The following CDH13 variants were observed in gnomAD, a reference collection of about 807,000 sequenced individuals.
CDH13 encodes the protein cadherin-13.
A neutral mutation model predicts 63.8 loss-of-function variants in CDH13; 24 were observed. That is an observed-to-expected ratio of 0.38 (90% CI 0.27 to 0.53). The LOEUF (loss-of-function observed/expected upper bound fraction) is 0.53. Ranked by LOEUF, CDH13 falls within the 20% of genes least tolerant of loss-of-function variation. The pLI, the probability that CDH13 is intolerant of heterozygous loss-of-function variation, is 0.85. For synonymous variants in CDH13, 503 were observed against 355.3 expected, an observed-to-expected ratio of 1.42 and a Z score of -4.67; for missense variants, 1,049 against 903.1, an observed-to-expected ratio of 1.16 and a Z score of -2.07.
chr16:83,362,296 A>T (rs1567617587), intron 6 of CDH13, among the ~76,000 whole-genome samples: 1 of 152,172 alleles, frequency 6.6e-6, no homozygotes, highest in South Asian at 2.1e-4. Context: ...GTACATTTCT[A>T]TTATGGCAAT....
At chr16:82,858,762 A>T in intron 2 of CDH13, 1 of 485,186 alleles carries the variant, frequency 2.1e-6, no homozygotes, top group South Asian at 4.2e-5. Flanking sequence ...ACACTGTGCA[A>T]AGGAAATGAA....
chr16:82,927,096 G>T (rs567455108), intron 2 of CDH13, among the ~76,000 whole-genome samples: 2 of 152,142 alleles, frequency 1.3e-5, no homozygotes, highest in African/African-American at 4.8e-5. Flanking sequence ...CTGGCTGTTG[G>T]CCACAGTATC....
intron 1 of CDH13, among the ~76,000 whole-genome samples, chr16:82,810,336 C>T (rs2169452): frequency 0.16 from 24,947 of 151,986 alleles, 2,838 homozygotes; most frequent in East Asian, 0.62. Flanking sequence ...AAATGCCTGC[C>T]GAACAGAAGG....
intron 4 of CDH13, among the ~76,000 whole-genome samples, chr16:83,192,154 C>T (rs548463661): frequency 6.6e-6 from 1 of 152,228 alleles, no homozygotes; most frequent in Admixed American, 6.5e-5. Flanking sequence ...AGAGCCGTTC[C>T]TTTGCCTCCA....
At chr16:83,121,782 G>C (rs1368103882) in intron 3 of CDH13, among the ~76,000 whole-genome samples, 1 of 152,094 alleles carries the variant, frequency 6.6e-6, no homozygotes, top group Non-Finnish European at 1.5e-5. Context: ...CTGAGTGAAG[G>C]GATATGTGCA....
At chr16:83,727,116 C>G (rs114863439) in intron 10 of CDH13, among the ~76,000 whole-genome samples, 2,027 of 152,102 alleles carry the variant, frequency 0.013, 47 homozygotes, top group African/African-American at 0.046. Context: ...CATCACCGCC[C>G]TCGATTTTAG....
intron 1 of CDH13, among the ~76,000 whole-genome samples, chr16:82,716,905 A>T (rs974375179): frequency 6.6e-6 from 1 of 151,962 alleles, no homozygotes; most frequent in Non-Finnish European, 1.5e-5. Context: ...TCTAGGGCTC[A>T]TTCCTTCTTC....
rs533055611 is a variant in CDH13 at position 83,605,953 on chromosome 16, A to G, written c.1101+3359A>G. Among the ~76,000 whole-genome samples, 165 of 152,342 alleles carry G rather than the reference A, an allele frequency of 1.1e-3. 1 individual carries two copies. Among genetic ancestry groups the G allele is most frequent in the African/African-American group, 3.8e-3 (157 of 41,588 alleles). ...CACTATGAGATCAGGCCTCGGGACAAAAGCGAGAGAGACCAAGAGAAACCT... is the reference window on the plus strand; with the variant it reads ...CACTATGAGATCAGGCCTCGGGACAGAAGCGAGAGAGACCAAGAGAAACCT... On this transcript the variant is annotated intron_variant, in intron 8 of 13. Transcript: ENST00000567109.
intron 2 of CDH13, among the ~76,000 whole-genome samples, chr16:82,948,813 ATG>A (rs1338979445): frequency 6.6e-6 from 1 of 152,182 alleles, no homozygotes; most frequent in Non-Finnish European, 1.5e-5. Context: ...AATGTAACCA[ATG>A]TTCAAATATG....
At chr16:83,376,577 T>A (rs2091463108) in intron 6 of CDH13, among the ~76,000 whole-genome samples, 2 of 151,892 alleles carry the variant, frequency 1.3e-5, no homozygotes, top group African/African-American at 4.8e-5. Context: ...GGAGAATGGG[T>A]AGGAGAGAGG....
chr16:83,778,678 T>C (rs986005987), intron 11 of CDH13, among the ~76,000 whole-genome samples: 1 of 152,200 alleles, frequency 6.6e-6, no homozygotes, highest in Non-Finnish European at 1.5e-5. Flanking sequence ...AAAGATTATA[T>C]GATGATTGCT....
intron 10 of CDH13, among the ~76,000 whole-genome samples, chr16:83,747,620 C>T (rs1045936347): frequency 2.0e-5 from 3 of 151,388 alleles, no homozygotes; most frequent in Non-Finnish European, 2.9e-5. Context: ...CCTATCTATT[C>T]CTCCTGTCTT....
At chr16:83,776,536 A>T (rs115365437) in intron 11 of CDH13, among the ~76,000 whole-genome samples, 42 of 152,176 alleles carry the variant, frequency 2.8e-4, no homozygotes, top group Admixed American at 2.8e-3. Flanking sequence ...TTTACTCTGT[A>T]GCTGTCTTTG....
chr16:83,474,034 C>T (rs544498315), intron 6 of CDH13, among the ~76,000 whole-genome samples: 1 of 152,264 alleles, frequency 6.6e-6, no homozygotes, highest in Admixed American at 6.5e-5. Context: ...TTGTGTGTCC[C>T]TCTGAGCCCA....
chr16:83,667,036 TGGATGAATGGAA>T (rs1002709525), intron 8 of CDH13, among the ~76,000 whole-genome samples: 1 of 126,438 alleles, frequency 7.9e-6, no homozygotes, highest in Non-Finnish European at 1.8e-5. Context: ...GATGGGTGGA[TGGATGAATGGAA>T]GGATGGATGG....
At chr16:83,706,360 G>A (rs141319808) in intron 10 of CDH13, among the ~76,000 whole-genome samples, 4 of 152,274 alleles carry the variant, frequency 2.6e-5, no homozygotes, top group South Asian at 2.1e-4. Context: ...CGTCATAAAC[G>A]CTAACCCACA....
At chr16:82,712,306 T>C (rs2032010870) in intron 1 of CDH13, among the ~76,000 whole-genome samples, 1 of 152,204 alleles carries the variant, frequency 6.6e-6, no homozygotes, top group South Asian at 2.1e-4. Context: ...GAATACATTT[T>C]ATTCTGTCAC....
chr16:83,418,768 C>T (rs2071626938), intron 6 of CDH13, among the ~76,000 whole-genome samples: 1 of 152,070 alleles, frequency 6.6e-6, no homozygotes, highest in African/African-American at 2.4e-5. Flanking sequence ...GTGTGACCAC[C>T]AGGGGACAGC....
intron 3 of CDH13, among the ~76,000 whole-genome samples, chr16:83,121,116 T>A (rs1298410923): frequency 6.6e-6 from 1 of 152,172 alleles, no homozygotes; most frequent in Non-Finnish European, 1.5e-5. Context: ...GCTTTTTTGT[T>A]CGTTTTGTTA....
Sources: allele counts gnomAD v4.1 joint callset (sites outside exome capture counted in the v4.1 genomes callset), GRCh38; gene constraint gnomAD v4.1.1; transcripts MANE v1.5; gene names NCBI Gene and HGNC (gene_info 2026-07-23, HGNC 2026-07-21).